Variants in WWOX observed in about 807,000 individuals in gnomAD.
WWOX encodes WW domain containing oxidoreductase.
In WWOX, 69 loss-of-function variants were observed where a neutral mutation model predicts 46.2. The observed-to-expected ratio is 1.49, with a 90% CI of 1.23 to 1.82. The LOEUF (loss-of-function observed/expected upper bound fraction) is 1.82, where lower values mean the gene tolerates loss of function less well. Ranked by LOEUF, WWOX falls within the 40% of genes most tolerant of loss-of-function variation. The probability of loss-of-function intolerance (pLI) is 0.00; values close to 1 mark genes in which losing one functional copy is unlikely to be tolerated. For missense variants in WWOX, 919 were observed against 542.6 expected (o/e 1.69, Z -6.89); for synonymous variants, 359 against 202.6 (o/e 1.77, Z -6.56).
At chr16:79,057,430 C>T (rs185471553) in intron 8 of WWOX, among the ~76,000 whole-genome samples, 3 of 152,274 alleles carry the variant, frequency 2.0e-5, no homozygotes, top group East Asian at 3.9e-4. Context: ...GCATTAGTTT[C>T]TTGTGATAGG....
At chr16:79,194,468 G>A (rs892228627) in intron 8 of WWOX, among the ~76,000 whole-genome samples, 2 of 152,172 alleles carry the variant, frequency 1.3e-5, no homozygotes, top group African/African-American at 4.8e-5. Flanking sequence ...TTCTGGTTAT[G>A]AACTCACAGA....
chr16:78,945,501 T>C (rs947747505), intron 8 of WWOX, among the ~76,000 whole-genome samples: 3 of 152,230 alleles, frequency 2.0e-5, no homozygotes, highest in Non-Finnish European at 2.9e-5. Flanking sequence ...TTGACCAATT[T>C]TTGTAAATCT....
intron 8 of WWOX, among the ~76,000 whole-genome samples, chr16:79,061,210 A>C (rs9972704): frequency 0.42 from 64,510 of 151,894 alleles, 15,768 homozygotes; most frequent in Non-Finnish European, 0.55. Context: ...TTGACTGCCT[A>C]AAATGTTAGG....
chr16:79,170,941 C>G (rs1236937241), intron 8 of WWOX, among the ~76,000 whole-genome samples: 1 of 152,164 alleles, frequency 6.6e-6, no homozygotes, highest in African/African-American at 2.4e-5. Flanking sequence ...AATACATTGA[C>G]TTATCTAAAT....
intron 1 of WWOX, among the ~76,000 whole-genome samples, chr16:78,106,621 G>C (rs1265733241): frequency 6.6e-6 from 1 of 151,914 alleles, no homozygotes; most frequent in African/African-American, 2.4e-5. Context: ...TCTCCATGTT[G>C]TTCAGGCTGG....
At chr16:78,548,542 T>A (rs1417618042) in intron 8 of WWOX, among the ~76,000 whole-genome samples, 1 of 152,192 alleles carries the variant, frequency 6.6e-6, no homozygotes, top group East Asian at 1.9e-4. Context: ...CACTGCCTCA[T>A]TGGATGAATC....
intron 8 of WWOX, among the ~76,000 whole-genome samples, chr16:78,662,536 T>G (rs761244685): frequency 1.6e-4 from 25 of 152,130 alleles, no homozygotes; most frequent in Non-Finnish European, 2.6e-4. Flanking sequence ...TTGGACCAGT[T>G]GCAAGGATGC....
At chr16:78,476,242 T>G (rs544180829) in intron 8 of WWOX, among the ~76,000 whole-genome samples, 2 of 152,358 alleles carry the variant, frequency 1.3e-5, no homozygotes, top group South Asian at 2.1e-4. Flanking sequence ...GAGCATTGTT[T>G]CATGTGTCTG....
At chr16:78,982,171 C>T (rs566307425) in intron 8 of WWOX, among the ~76,000 whole-genome samples, 90 of 152,206 alleles carry the variant, frequency 5.9e-4, no homozygotes, top group African/African-American at 2.0e-3. Context: ...TAAAAAGAAA[C>T]GACCCCAAAC....
At chr16:78,258,179 A>T (rs2038180831) in intron 5 of WWOX, among the ~76,000 whole-genome samples, 1 of 152,202 alleles carries the variant, frequency 6.6e-6, no homozygotes, top group African/African-American at 2.4e-5. Context: ...GGAAGATTTA[A>T]AAATCATATT....
At chr16:78,922,678 C>T (rs747105168) in intron 8 of WWOX, among the ~76,000 whole-genome samples, 4 of 152,268 alleles carry the variant, frequency 2.6e-5, no homozygotes, top group South Asian at 2.1e-4. Context: ...GACCACCAGC[C>T]TCAGTGAATG....
intron 8 of WWOX, among the ~76,000 whole-genome samples, chr16:78,662,648 C>G (rs994466803): frequency 6.6e-6 from 1 of 152,168 alleles, no homozygotes; most frequent in African/African-American, 2.4e-5. Flanking sequence ...AACATACATT[C>G]ATCATTTTGC....
At position 78,802,936 on chromosome 16, in the gene WWOX, A is replaced by AAAAAAC. The variant is rs2050931374; in HGVS notation, c.1056+370189_1056+370190insCAAAAA. Among the ~76,000 whole-genome samples the AAAAAAC allele has an allele frequency of 4.0e-5, 4 of 100,212 alleles. 1 individual carries two copies. Among genetic ancestry groups the AAAAAAC allele is most frequent in the Non-Finnish European group, 7.9e-5 (4 of 50,538 alleles). The allele number at this position is 100,212 out of a possible 152,430, so 65.7% of individuals were successfully genotyped here. A position where few individuals can be genotyped will look rare whatever the true frequency, so the allele number is the denominator to read the frequency against. ...ATCTGAAAAAAAAAAAAAAAAAAAA[A>AAAAAAC]AAAAAACAACAAACAGAAAAATGAA... On this transcript the variant is annotated intron_variant, in intron 8 of 8. Coordinates refer to ENST00000566780, the MANE Select transcript of WWOX (RefSeq NM_016373.4).
intron 8 of WWOX, among the ~76,000 whole-genome samples, chr16:78,742,860 G>A (rs147483869): frequency 3.3e-4 from 50 of 152,300 alleles, no homozygotes; most frequent in African/African-American, 9.9e-4. Flanking sequence ...CATGGTCAGA[G>A]CCGGGGGCTT....
intron 5 of WWOX, among the ~76,000 whole-genome samples, chr16:78,310,221 T>G (rs7204400): frequency 0.17 from 26,150 of 152,178 alleles, 2,708 homozygotes; most frequent in South Asian, 0.38. Flanking sequence ...CCCACGAATT[T>G]TCTTATGCTA....
intron 8 of WWOX, among the ~76,000 whole-genome samples, chr16:78,815,495 G>T (rs2051305623): frequency 6.6e-6 from 1 of 152,124 alleles, no homozygotes; most frequent in African/African-American, 2.4e-5. Flanking sequence ...TACCCGTTTT[G>T]AGTGTACCAT....
intron 8 of WWOX, among the ~76,000 whole-genome samples, chr16:78,789,846 C>G (rs769885600): frequency 1.1e-4 from 17 of 152,092 alleles, no homozygotes; most frequent in African/African-American, 3.1e-4. Flanking sequence ...TCGTTAATTC[C>G]TGTGACCATA....
intron 8 of WWOX, among the ~76,000 whole-genome samples, chr16:78,894,657 T>C (rs2044662515): frequency 6.6e-6 from 1 of 152,214 alleles, no homozygotes; most frequent in Non-Finnish European, 1.5e-5. Flanking sequence ...CCCAGCCTGC[T>C]TGTGTGTGTC....
chr16:78,898,885 C>G (rs575869586), intron 8 of WWOX: 1 of 151,982 alleles, frequency 6.6e-6, no homozygotes. Flanking sequence ...TTGTAAATGG[C>G]ATTATAAAAT....
Sources: allele counts gnomAD v4.1 joint callset (sites outside exome capture counted in the v4.1 genomes callset), GRCh38; gene constraint gnomAD v4.1.1; transcripts MANE v1.5; gene names NCBI Gene and HGNC (gene_info 2026-07-23, HGNC 2026-07-21).